ABCC2: variants seen among roughly 807,000 people sequenced by gnomAD.
ABCC2 encodes ATP binding cassette subfamily C member 2.
A neutral mutation model predicts 173.4 loss-of-function variants in ABCC2; 157 were observed. The observed-to-expected ratio is 0.91, with a 90% confidence interval of 0.80 to 1.03. The LOEUF (loss-of-function observed/expected upper bound fraction) is 1.03, where lower values mean the gene tolerates loss of function less well. Ranked by LOEUF, ABCC2 falls within the 50% of genes least tolerant of loss-of-function variation. The probability of loss-of-function intolerance (pLI) is 0.00; values close to 1 mark genes in which losing one functional copy is unlikely to be tolerated. For synonymous variants in ABCC2, 657 were observed against 693.5 expected (o/e 0.95, Z 0.83); for missense variants, 1,822 against 1,852.3 (o/e 0.98, Z 0.30).
intron 16 of ABCC2, among the ~76,000 whole-genome samples, chr10:99,815,384 C>T (rs2038390806): frequency 1.3e-5 from 2 of 152,078 alleles, no homozygotes; most frequent in African/African-American, 2.4e-5. Context: ...TTAGTAGAGG[C>T]GGGGTTTTGC....
chr10:99,843,803 C>T lies in ABCC2; in HGVS notation c.3746C>T (p.Thr1249Ile), dbSNP rs780964183. 1 of 1,613,906 alleles carries T rather than the reference C, an allele frequency of 6.2e-7. No homozygotes were observed. Among genetic ancestry groups the T allele is most frequent in the Admixed American group, 1.7e-5 (1 of 60,028 alleles). Residue 1249 changes from threonine to isoleucine, a missense_variant, in exon 27 of 32, where the codon ACA becomes ATA. Transcript: ENST00000647814. ...AGTCTTCTGGTTTTTCTGTAGATCA[C>T]ACAAACCCTGAACTGGCTGGTGAGG... ...GFVLSNALNITQTLNWLVRMT... is the reference protein window; with the variant it reads ...GFVLSNALNIIQTLNWLVRMT...
At chr10:99,839,210 G>A (rs1229514575) in intron 25 of ABCC2, among the ~76,000 whole-genome samples, 3 of 97,894 alleles carry the variant, frequency 3.1e-5, no homozygotes, top group South Asian at 3.5e-4. Context: ...CCTCCCTCCC[G>A]GACGGGCCGG....
At position 99,804,127 on chromosome 10, in the gene ABCC2, A is replaced by G; in HGVS notation, c.1318A>G (p.Met440Val). ...CATGGATGTGACCAACTTCATGCACATGCTGTGGTCAAGTGTTCTACAGAT... is the reference window on the plus strand; with the variant it reads ...CATGGATGTGACCAACTTCATGCACGTGCTGTGGTCAAGTGTTCTACAGAT... The part of the protein sequence containing the change: ...KLMDVTNFMH[M>V]LWSSVLQIVL... Residue 440 changes from methionine to valine, a missense_variant, in exon 10 of 32, where the codon ATG becomes GTG. Transcript: ENST00000647814. 6.2e-7 allele frequency: 1 copy of G among 1,614,202 alleles called. No homozygotes were observed.
rs759382426 is a variant in ABCC2, at chr10:99,810,193, T to C, written c.1875T>C (p.Ser625=). 5 of 1,613,596 alleles carry C rather than the reference T, an allele frequency of 3.1e-6. No homozygotes were observed. The Admixed American group carries it at 8.3e-5, about 27-fold the overall frequency. Residue 625 remains serine, a synonymous_variant, in exon 14 of 32, where the codon TCT becomes TCC. Coordinates refer to ENST00000647814, the MANE Select transcript of ABCC2 (RefSeq NM_000392.5). ...KYLGGDDLDT[S]AIRHDCNFDK... is the part of the protein sequence containing the mutation. ...TGGGAGGGGATGACTTGGACACATC[T>C]GCCATTCGACATGACTGCAATTTTG...
In ABCC2 at chr10:99,846,055, C is replaced by T. The variant is rs544216980; in HGVS notation, c.4146+273C>T. On this transcript the variant is annotated intron_variant, in intron 29 of 31. Coordinates refer to ENST00000647814, the MANE Select transcript of ABCC2 (RefSeq NM_000392.5). Reference sequence around the variant, plus strand: ...AGACGATTCTTTAGCGTTGCTATAGCCCATCACGGTTTGCAAGACTTTTGC... The same window carrying T: ...AGACGATTCTTTAGCGTTGCTATAGTCCATCACGGTTTGCAAGACTTTTGC... Among the ~76,000 whole-genome samples, 42 of 152,286 alleles carry T rather than the reference C, an allele frequency of 2.8e-4. 2 individuals carry two copies. The South Asian group carries it at 8.5e-3, about 31-fold the overall frequency.
chr10:99,812,789 G>A (rs2038238943), intron 15 of ABCC2, among the ~76,000 whole-genome samples: 2 of 152,186 alleles, frequency 1.3e-5, no homozygotes, highest in Non-Finnish European at 1.5e-5. Flanking sequence ...AGATGAGTTG[G>A]ATAAATTAGG....
At chr10:99,830,508 C>T (rs899322905) in intron 20 of ABCC2, 75 bp downstream of exon 20, 24 of 1,606,382 alleles carry the variant, frequency 1.5e-5, no homozygotes, top group Non-Finnish European at 2.0e-5. Context: ...TCTTCCTGGG[C>T]TTTTCCTGTG....
intron 3 of ABCC2, among the ~76,000 whole-genome samples, chr10:99,793,092 T>G (rs1381693305): frequency 6.6e-6 from 1 of 152,176 alleles, no homozygotes; most frequent in Non-Finnish European, 1.5e-5. Context: ...TTTAATTTAT[T>G]ATATCTAATG....
rs762884509 is a variant in ABCC2 at position 99,810,201 on chromosome 10, G to A, written c.1883G>A (p.Arg628Gln). 11 of 1,613,264 alleles carry A rather than the reference G, an allele frequency of 6.8e-6. No homozygotes were observed. Among genetic ancestry groups the A allele is most frequent in the Admixed American group, 6.7e-5 (4 of 59,976 alleles). Residue 628 changes from arginine (R) to glutamine (Q), a missense_variant, in exon 14 of 32, where the codon CGA (arginine) becomes CAA (glutamine). Transcript: ENST00000647814. ...GATGACTTGGACACATCTGCCATTC[G>A]ACATGACTGCAATTTTGGTAAATAA... ...GGDDLDTSAI[R>Q]HDCNFDKAMQ...
Position 99,807,390 on chromosome 10 carries a change from A to G in ABCC2, c.1537A>G (p.Lys513Glu), listed in dbSNP as rs1462789225. Residue 513 changes from lysine to glutamate, a missense_variant, in exon 12 of 32, where the codon AAA (lysine) becomes GAA (glutamate). Transcript: ENST00000647814. The stretch of plus-strand genomic sequence containing the variant: ...TTTTTTTTCAACTTATTAGATCCTG[A>G]AATATTTTGCCTGGGAACCTTCATT... Reference protein sequence around the residue: ...NEILSGIKILKYFAWEPSFRD... With the variant: ...NEILSGIKILEYFAWEPSFRD... 1 of 1,614,092 alleles carries G rather than the reference A, an allele frequency of 6.2e-7. No individual in the cohort carries two copies. Among genetic ancestry groups the G allele is most frequent in the East Asian group, 2.2e-5 (1 of 44,880 alleles).
chr10:99,828,671 CTGTT>C (rs1288073028), intron 19 of ABCC2, among the ~76,000 whole-genome samples: 6 of 152,070 alleles, frequency 3.9e-5, no homozygotes, highest in Non-Finnish European at 7.4e-5. Flanking sequence ...CCACTGAAGT[CTGTT>C]TGGTTGGCTT....
At chr10:99,832,404 G>T (rs2038756158) in intron 23 of ABCC2, among the ~76,000 whole-genome samples, 1 of 152,156 alleles carries the variant, frequency 6.6e-6, no homozygotes, top group African/African-American at 2.4e-5. Context: ...ACCAGTAACA[G>T]CAGTGTGTAG....
chr10:99,809,915 A>G (rs80302237), intron 13 of ABCC2, among the ~76,000 whole-genome samples: 2,460 of 152,362 alleles, frequency 0.016, 58 homozygotes, highest in African/African-American at 0.049. Context: ...GGAGAGAGAC[A>G]GCAGAAGAGT....
intron 9 of ABCC2, among the ~76,000 whole-genome samples, chr10:99,803,166 G>A (rs891068090): frequency 1.6e-4 from 24 of 151,966 alleles, no homozygotes; most frequent in Admixed American, 9.8e-4. Flanking sequence ...ATGGGGTTTC[G>A]CCATATTGGC....
At chr10:99,823,876 A>G (rs1332787437) in intron 19 of ABCC2, among the ~76,000 whole-genome samples, 61 of 115,292 alleles carry the variant, frequency 5.3e-4, no homozygotes, top group East Asian at 1.5e-3. Flanking sequence ...TTTCCACATA[A>G]TTTTATTATT....
At chr10:99,795,791 G>GAAA (rs1428520362) in intron 6 of ABCC2, among the ~76,000 whole-genome samples, 2 of 133,864 alleles carry the variant, frequency 1.5e-5, no homozygotes, top group African/African-American at 2.8e-5. Context: ...AAGAAAGAAA[G>GAAA]AAAGAAAGAA....
chr10:99,842,193 C>A, intron 26 of ABCC2, 100 bp downstream of exon 26: 1 of 1,528,548 alleles, frequency 6.5e-7, no homozygotes, highest in Non-Finnish European at 9.0e-7. Context: ...CCTTCTTAAA[C>A]CCAGAGGGAC....
chr10:99,794,856 T>A (rs534426162), intron 6 of ABCC2, among the ~76,000 whole-genome samples: 2 of 152,286 alleles, frequency 1.3e-5, no homozygotes, highest in South Asian at 2.1e-4. Flanking sequence ...ATTAATTTTT[T>A]AAAAATGCCT....
intron 19 of ABCC2, among the ~76,000 whole-genome samples, chr10:99,821,695 G>A (rs61457855): frequency 0.03 from 4,597 of 152,240 alleles, 213 homozygotes; most frequent in African/African-American, 0.095. Context: ...AGAATCTTAA[G>A]GCAGAAGAAT....
Sources: allele counts gnomAD v4.1 joint callset (sites outside exome capture counted in the v4.1 genomes callset), GRCh38; gene constraint gnomAD v4.1.1; transcripts MANE v1.5; gene names NCBI Gene and HGNC (gene_info 2026-07-23, HGNC 2026-07-21).